Variants in HS6ST3 observed in about 807,000 individuals in gnomAD.
The protein encoded by HS6ST3 is heparan-sulfate 6-O-sulfotransferase 3.
In HS6ST3, 12 loss-of-function variants were observed where a neutral mutation model predicts 36.7. The ratio of observed to expected loss-of-function variants is 0.33; its 90% CI spans 0.21 to 0.53. The LOEUF (loss-of-function observed/expected upper bound fraction) is 0.53. Among genes scored for constraint, HS6ST3 ranks in the 20% least tolerant of loss-of-function variants. The pLI, the probability that HS6ST3 is intolerant of heterozygous loss-of-function variation, is 0.95. For missense variants in HS6ST3, 584 were observed against 640.9 expected, an observed-to-expected ratio of 0.91 and a Z score of 0.96; for synonymous variants, 240 against 257.5, an observed-to-expected ratio of 0.93 and a Z score of 0.65.
chr13:96,591,036 CCCTTTGG>C (rs2056380182), intron 1 of HS6ST3, among the ~76,000 whole-genome samples: 2 of 150,462 alleles, frequency 1.3e-5, no homozygotes, highest in Non-Finnish European at 3.0e-5. Context: ...TCTGTTTTGT[CCCTTTGG>C]TCTAGATGTC....
At position 96,267,159 on chromosome 13, in the gene HS6ST3, G is replaced by C. The variant is rs1248809190; in HGVS notation, c.707+175590G>C. Among the ~76,000 whole-genome samples, 3 of 152,292 alleles carry C rather than the reference G, an allele frequency of 2.0e-5. No individual in the cohort carries two copies. The East Asian group carries it at 5.8e-4, about 29-fold the overall frequency. On this transcript the variant is annotated intron_variant, in intron 1 of 1. Coordinates refer to ENST00000376705, the MANE Select transcript of HS6ST3 (RefSeq NM_153456.4). ...TGCTTTCTTGCCTGCCACCATGTAA[G>C]ATGTGCCTTTGCTCCTCCTTCACCT...
chr13:96,384,346 C>T (rs1020249132), intron 1 of HS6ST3, among the ~76,000 whole-genome samples: 10 of 151,734 alleles, frequency 6.6e-5, no homozygotes, highest in Admixed American at 2.0e-4. Flanking sequence ...ACCTTACTTG[C>T]GGCAAATCTT....
intron 1 of HS6ST3, among the ~76,000 whole-genome samples, chr13:96,729,566 T>G (rs1481446558): frequency 6.6e-6 from 1 of 152,054 alleles, no homozygotes; most frequent in Non-Finnish European, 1.5e-5. Context: ...AAGCGATTCT[T>G]CTGCCTCAGC....
intron 1 of HS6ST3, among the ~76,000 whole-genome samples, chr13:96,238,909 G>C (rs1202568590): frequency 1.3e-5 from 2 of 152,214 alleles, no homozygotes; most frequent in Admixed American, 1.3e-4. Context: ...TCTTGTGCCT[G>C]GGTGACACAG....
chr13:96,739,680 T>C (rs1876384971), intron 1 of HS6ST3, among the ~76,000 whole-genome samples: 1 of 152,174 alleles, frequency 6.6e-6, no homozygotes, highest in African/African-American at 2.4e-5. Flanking sequence ...TCTTCATCTT[T>C]TGACCATATA....
At chr13:96,738,945 C>T (rs1309247373) in intron 1 of HS6ST3, among the ~76,000 whole-genome samples, 2 of 152,102 alleles carry the variant, frequency 1.3e-5, no homozygotes, top group African/African-American at 4.8e-5. Flanking sequence ...AATCCATTCT[C>T]GTTTGTTGTT....
intron 1 of HS6ST3, among the ~76,000 whole-genome samples, chr13:96,675,899 G>T (rs1019524234): frequency 6.6e-6 from 1 of 152,112 alleles, no homozygotes; most frequent in South Asian, 2.1e-4. Flanking sequence ...AGGATTCCTG[G>T]AGTGAGCCAG....
At chr13:96,364,538 A>G (rs1181859455) in intron 1 of HS6ST3, among the ~76,000 whole-genome samples, 1 of 152,182 alleles carries the variant, frequency 6.6e-6, no homozygotes, top group Admixed American at 6.5e-5. Flanking sequence ...TTCCACTATT[A>G]TGAGGTACTT....
chr13:96,258,599 G>A (rs2054649119), intron 1 of HS6ST3, among the ~76,000 whole-genome samples: 1 of 152,096 alleles, frequency 6.6e-6, no homozygotes, highest in African/African-American at 2.4e-5. Flanking sequence ...CAGAGCAATG[G>A]GCACTTAGGA....
intron 1 of HS6ST3, among the ~76,000 whole-genome samples, chr13:96,303,585 A>G (rs2054894095): frequency 6.6e-6 from 1 of 152,186 alleles, no homozygotes; most frequent in Non-Finnish European, 1.5e-5. Flanking sequence ...AAGAAACAAA[A>G]TGGAGAGATG....
At chr13:96,494,474 ATGGCACATG>A in intron 1 of HS6ST3, among the ~76,000 whole-genome samples, 1 of 151,496 alleles carries the variant, frequency 6.6e-6, no homozygotes, top group Non-Finnish European at 1.5e-5. Flanking sequence ...GCACACCAAC[ATGGCACATG>A]TATACATATG....
intron 1 of HS6ST3, among the ~76,000 whole-genome samples, chr13:96,583,313 G>A (rs1478833205): frequency 7.8e-6 from 1 of 128,102 alleles, no homozygotes; most frequent in Admixed American, 9.8e-5. Context: ...TCCCAAGTTC[G>A]AGCAATTCTC....
At position 96,268,199 on chromosome 13, in the gene HS6ST3, G is replaced by A. The variant is rs144979207; in HGVS notation, c.707+176630G>A. ...TTTTGGGGAAACACAATTTAGTCCT[G>A]TGTTAGTCCATTCTCACACTGCTAA... On this transcript the variant is annotated intron_variant, in intron 1 of 1. Coordinates refer to ENST00000376705, the MANE Select transcript of HS6ST3 (RefSeq NM_153456.4). Among the ~76,000 whole-genome samples, 286 of 152,058 alleles carry A rather than the reference G, an allele frequency of 1.9e-3. 1 individual carries two copies. Among genetic ancestry groups the A allele is most frequent in the Non-Finnish European group, 3.5e-3 (235 of 68,020 alleles).
chr13:96,341,729 T>C (rs1012239455), intron 1 of HS6ST3, among the ~76,000 whole-genome samples: 1 of 152,160 alleles, frequency 6.6e-6, no homozygotes, highest in Non-Finnish European at 1.5e-5. Context: ...AATTAAAACA[T>C]TTTTATAACA....
chr13:96,426,184 G>A (rs535046560), intron 1 of HS6ST3, among the ~76,000 whole-genome samples: 2 of 151,828 alleles, frequency 1.3e-5, no homozygotes, highest in African/African-American at 4.8e-5. Flanking sequence ...CAGGGGTCTC[G>A]TCAACCTGTC....
chr13:96,484,862 G>A (rs2055906553), intron 1 of HS6ST3, among the ~76,000 whole-genome samples: 1 of 152,112 alleles, frequency 6.6e-6, no homozygotes, highest in South Asian at 2.1e-4. Context: ...ATGTATGTGA[G>A]ATTGCTGGGT....
At chr13:96,570,896 T>C (rs1443972648) in intron 1 of HS6ST3, among the ~76,000 whole-genome samples, 2 of 152,172 alleles carry the variant, frequency 1.3e-5, no homozygotes, top group South Asian at 2.1e-4. Context: ...CTTGAGGCTT[T>C]TCTGAGGATG....
intron 1 of HS6ST3, among the ~76,000 whole-genome samples, chr13:96,759,870 C>A (rs945760684): frequency 5.3e-5 from 8 of 151,980 alleles, no homozygotes; most frequent in African/African-American, 1.9e-4. Flanking sequence ...ATAATTGATT[C>A]TTAGCTTCAA....
intron 1 of HS6ST3, among the ~76,000 whole-genome samples, chr13:96,401,904 A>G (rs191705097): frequency 6.6e-6 from 1 of 152,312 alleles, no homozygotes; most frequent in East Asian, 1.9e-4. Context: ...ACCTCATGCA[A>G]TGTTAATTTG....
Sources: gnomAD v4.1 joint callset for allele counts (sites outside exome capture counted in the v4.1 genomes callset) on GRCh38, gnomAD v4.1.1 for gene constraint, MANE v1.5 for transcripts, NCBI Gene and HGNC (gene_info 2026-07-23, HGNC 2026-07-21) for gene names.